Variants in FGF12 observed in about 807,000 individuals in gnomAD.
FGF12 encodes fibroblast growth factor 12, also known as fibroblast growth factor 12B.
FGF12 carries 14 observed loss-of-function variants against 23.6 expected under a neutral mutation model. The observed-to-expected ratio is 0.59, with a 90% CI of 0.39 to 0.93. The LOEUF (loss-of-function observed/expected upper bound fraction) is 0.93, where lower values mean the gene tolerates loss of function less well. Among genes scored for constraint, FGF12 ranks in the 40% least tolerant of loss-of-function variants. The probability of loss-of-function intolerance (pLI) is 0.00; values close to 1 mark genes in which losing one functional copy is unlikely to be tolerated. For synonymous variants in FGF12, 62 were observed against 77.3 expected (o/e 0.80, Z 1.04); for missense variants, 175 against 217.8 (o/e 0.80, Z 1.24).
intron 4 of FGF12, among the ~76,000 whole-genome samples, chr3:192,304,587 T>C (rs972720445): frequency 2.4e-4 from 36 of 152,178 alleles, no homozygotes; most frequent in Middle Eastern, 3.2e-3. Context: ...CTCCACTTGC[T>C]TGCGGTAATA....
At chr3:192,660,525 A>T (rs1243012435) in intron 2 of FGF12, among the ~76,000 whole-genome samples, 1 of 152,008 alleles carries the variant, frequency 6.6e-6, no homozygotes, top group Non-Finnish European at 1.5e-5. Context: ...AAAAAAAAGA[A>T]AGAAATTCCA....
intron 4 of FGF12, among the ~76,000 whole-genome samples, chr3:192,243,449 T>A (rs1719722583): frequency 6.6e-6 from 1 of 151,674 alleles, no homozygotes; most frequent in African/African-American, 2.4e-5. Flanking sequence ...AAAGCATATA[T>A]GTATATTCAA....
At chr3:192,148,668 G>A (rs1347064473) in intron 5 of FGF12, among the ~76,000 whole-genome samples, 1 of 152,174 alleles carries the variant, frequency 6.6e-6, no homozygotes. Flanking sequence ...GAATTGTCCT[G>A]AGTATAAGGT....
chr3:192,281,756 C>T (rs1175553218), intron 4 of FGF12, among the ~76,000 whole-genome samples: 1 of 152,064 alleles, frequency 6.6e-6, no homozygotes, highest in Non-Finnish European at 1.5e-5. Flanking sequence ...CAGGGCTTAC[C>T]TAAAACATAA....
At chr3:192,244,543 TAAG>T (rs1719787452) in intron 4 of FGF12, among the ~76,000 whole-genome samples, 1 of 152,060 alleles carries the variant, frequency 6.6e-6, no homozygotes, top group Non-Finnish European at 1.5e-5. Context: ...AGCTGACAAA[TAAG>T]AAAATTGTAA....
intron 4 of FGF12, among the ~76,000 whole-genome samples, chr3:192,175,049 C>T (rs13059199): frequency 0.087 from 13,273 of 152,126 alleles, 627 homozygotes; most frequent in Middle Eastern, 0.12. Flanking sequence ...GTAGTTAAGG[C>T]AGGTTACAAA....
At chr3:192,346,872 A>G (rs1717991155) in intron 3 of FGF12, among the ~76,000 whole-genome samples, 1 of 152,150 alleles carries the variant, frequency 6.6e-6, no homozygotes, top group Non-Finnish European at 1.5e-5. Flanking sequence ...AGCATGAAAC[A>G]TTCCATAAAA....
intron 3 of FGF12, among the ~76,000 whole-genome samples, chr3:192,358,658 TC>T (rs577038585): frequency 1.1e-3 from 166 of 152,262 alleles, no homozygotes; most frequent in African/African-American, 3.9e-3. Flanking sequence ...GAAGGATTTG[TC>T]CTAGCTTGAC....
intron 2 of FGF12, among the ~76,000 whole-genome samples, chr3:192,520,950 A>G (rs1417168829): frequency 1.3e-5 from 2 of 152,178 alleles, no homozygotes; most frequent in Non-Finnish European, 2.9e-5. Context: ...GCATTTTCAT[A>G]TTGTAGAAAA....
At position 192,378,026 on chromosome 3, in the gene FGF12, T is replaced by TTTCTCTTCTTTCTTTC. The variant is rs1553804997; in HGVS notation, c.14-17489_14-17488insGAAAGAAAGAAGAGAA. ...GAGATCCCTTTCTTCTGACTCTTTC[T>TTTCTCTTCTTTCTTTC]TTTCTTTCTTTCTTTCTTTCTTTCT... On this transcript the variant is annotated intron_variant, in intron 2 of 5. Transcript: ENST00000445105. 1.0e-4 allele frequency among the ~76,000 whole-genome samples: 7 copies of TTTCTCTTCTTTCTTTC among 69,442 alleles called. 1 individual carries two copies. Among genetic ancestry groups the TTTCTCTTCTTTCTTTC allele is most frequent in the African/African-American group, 5.2e-4 (7 of 13,526 alleles). 45.6% of individuals were successfully genotyped at this position (69,442 alleles called of 152,430 possible).
At chr3:192,484,235 G>A (rs1326037948) in intron 2 of FGF12, among the ~76,000 whole-genome samples, 1 of 149,814 alleles carries the variant, frequency 6.7e-6, no homozygotes, top group African/African-American at 2.5e-5. Context: ...CCACTTAGGT[G>A]CAAAGATTCT....
chr3:192,268,897 T>G (rs563484043), intron 4 of FGF12: 5 of 156,406 alleles, frequency 3.2e-5, no homozygotes, highest in African/African-American at 1.2e-4. Flanking sequence ...ACATTTTTAT[T>G]TTTATTTATT....
At chr3:192,304,842 G>T (rs1715534390) in intron 4 of FGF12, among the ~76,000 whole-genome samples, 2 of 152,086 alleles carry the variant, frequency 1.3e-5, no homozygotes, top group Admixed American at 6.6e-5. Context: ...CTTAATTTTT[G>T]TACTGTTTAG....
At chr3:192,191,300 T>G (rs550826271) in intron 4 of FGF12, among the ~76,000 whole-genome samples, 3 of 152,318 alleles carry the variant, frequency 2.0e-5, no homozygotes, top group Non-Finnish European at 4.4e-5. Context: ...TAATGGCTGA[T>G]ACATGTCATT....
intron 4 of FGF12, among the ~76,000 whole-genome samples, chr3:192,191,581 A>C (rs551546197): frequency 4.6e-5 from 7 of 152,312 alleles, no homozygotes; most frequent in African/African-American, 1.7e-4. Flanking sequence ...CACGCCTATA[A>C]TCCCAGCACT....
In FGF12 at chr3:192,142,883, TG is replaced by T. The variant is rs1425611365; in HGVS notation, c.*1125del. 2.0e-5 allele frequency: 3 copies of T among 152,134 alleles called. No homozygotes were observed. Among genetic ancestry groups the T allele is most frequent in the Non-Finnish European group, 4.4e-5 (3 of 67,998 alleles). 9.4% of individuals were successfully genotyped at this position (152,134 alleles called of 1,614,324 possible). A position where few individuals can be genotyped will look rare whatever the true frequency, so the allele number is the denominator to read the frequency against. On this transcript the variant is annotated 3_prime_UTR_variant, in exon 6 of 6. Transcript: ENST00000445105. ...TAGTAAGTTAGGAATTTCACAGTCATGTCTCCAAATTTCATGGCAGAGTTTA... is the reference window on the plus strand; with the variant it reads ...TAGTAAGTTAGGAATTTCACAGTCATTCTCCAAATTTCATGGCAGAGTTTA...
chr3:192,250,254 C>T (rs1339410638), intron 4 of FGF12, among the ~76,000 whole-genome samples: 1 of 152,082 alleles, frequency 6.6e-6, no homozygotes, highest in Non-Finnish European at 1.5e-5. Context: ...GGAAATGCCA[C>T]ATTTAGCCAA....
At chr3:192,166,418 T>G (rs2108611739) in intron 5 of FGF12, among the ~76,000 whole-genome samples, 1 of 152,352 alleles carries the variant, frequency 6.6e-6, no homozygotes, top group Admixed American at 6.5e-5. Context: ...TTATTCAAGA[T>G]CATTTACTAG....
At chr3:192,532,873 G>A (rs913537168) in intron 2 of FGF12, among the ~76,000 whole-genome samples, 2 of 151,978 alleles carry the variant, frequency 1.3e-5, no homozygotes, top group African/African-American at 4.8e-5. Flanking sequence ...TAGTCATTTG[G>A]GGACATCAAA....
Sources: gnomAD v4.1 joint callset for allele counts (sites outside exome capture counted in the v4.1 genomes callset) on GRCh38, gnomAD v4.1.1 for gene constraint, MANE v1.5 for transcripts, NCBI Gene and HGNC (gene_info 2026-07-23, HGNC 2026-07-21) for gene names.